The following LAMA4 variants were observed in gnomAD, a reference collection of about 807,000 sequenced individuals.
The protein encoded by LAMA4 is laminin subunit alpha-4.
Under a neutral mutation model 207.1 loss-of-function variants are expected in LAMA4, and 127 were observed. The ratio of observed to expected loss-of-function variants is 0.61; its 90% CI spans 0.53 to 0.71. LAMA4 has a LOEUF of 0.71. LAMA4 is among the 30% of genes least tolerant of loss of function. LAMA4 has a pLI of 0.00. For synonymous variants in LAMA4, 761 were observed against 816.0 expected, an observed-to-expected ratio of 0.93 and a Z score of 1.15; for missense variants, 2,093 against 2,246.5, an observed-to-expected ratio of 0.93 and a Z score of 1.38.
intron 4 of LAMA4, among the ~76,000 whole-genome samples, chr6:112,204,732 A>T (rs1783959494): frequency 6.6e-6 from 1 of 152,246 alleles, no homozygotes; most frequent in African/African-American, 2.4e-5. Flanking sequence ...CTCATAAATC[A>T]GGACATACTT....
At chr6:112,214,017 G>A (rs1784491202) in intron 3 of LAMA4, 2 of 764,052 alleles carry the variant, frequency 2.6e-6, no homozygotes. Flanking sequence ...CCTGAGAGCT[G>A]AGAATGAACG....
intron 14 of LAMA4, among the ~76,000 whole-genome samples, chr6:112,156,268 C>T (rs1217900022): frequency 5.9e-5 from 9 of 152,108 alleles, no homozygotes; most frequent in Admixed American, 3.3e-4. Context: ...TAGTCTCTGC[C>T]TTTGCCCCTC....
chr6:112,175,571 G>A, intron 10 of LAMA4, 91 bp from the exon 11 acceptor site: 2 of 1,258,728 alleles, frequency 1.6e-6, no homozygotes, highest in Non-Finnish European at 2.3e-6. Flanking sequence ...GCAAAGGGCA[G>A]GGCTGATCCT....
In LAMA4 at chr6:112,128,955, A is replaced by AT; in HGVS notation, c.4253dup (p.Asn1418LysfsTer6). On this transcript the variant is annotated frameshift_variant, in exon 31 of 39. Coordinates refer to ENST00000230538, the MANE Select transcript of LAMA4 (RefSeq NM_001105206.3). LOFTEE classifies it high-confidence loss of function. The stretch of plus-strand genomic sequence containing the variant: ...TCTGACTTGCTTTAGGCTTGGATAA[A>AT]TTTTTTCCTTTTTTATGGAGGAGAA... The AT allele has an allele frequency of 6.2e-7, 1 of 1,613,428 alleles. No individual in the cohort carries two copies.
At chr6:112,115,296 A>G (rs1554323226) in intron 36 of LAMA4, among the ~76,000 whole-genome samples, 1 of 151,028 alleles carries the variant, frequency 6.6e-6, no homozygotes, top group African/African-American at 2.5e-5. Context: ...AATGTACTAG[A>G]ACCCAAATAA....
intron 9 of LAMA4, among the ~76,000 whole-genome samples, chr6:112,182,694 ACTCTGGG>A (rs1221070694): frequency 6.6e-6 from 1 of 151,994 alleles, no homozygotes; most frequent in Non-Finnish European, 1.5e-5. Context: ...GTGCTTTGTA[ACTCTGGG>A]CTCTGCAGTG....
chr6:112,241,108 T>TGA (rs1786401477), intron 2 of LAMA4, among the ~76,000 whole-genome samples: 1 of 141,316 alleles, frequency 7.1e-6, no homozygotes, highest in African/African-American at 2.6e-5. Context: ...AATATATATA[T>TGA]ATATATGAAT....
chr6:112,129,134 G>T (rs1219840727), intron 30 of LAMA4, 59 bp from the exon 31 acceptor site: 8 of 1,438,496 alleles, frequency 5.6e-6, no homozygotes, highest in Non-Finnish European at 7.8e-6. Flanking sequence ...ATTACATGAT[G>T]AATATTATGG....
intron 24 of LAMA4, among the ~76,000 whole-genome samples, chr6:112,138,193 C>G (rs1779470454): frequency 6.6e-6 from 1 of 152,048 alleles, no homozygotes; most frequent in African/African-American, 2.4e-5. Context: ...CAAAATGATA[C>G]CTGGTTAGCT....
chr6:112,114,194 A>G lies in LAMA4; in HGVS notation c.5208T>C (p.Val1736=), dbSNP rs1554322503. Residue 1736 remains valine, a splice_region_variant and synonymous_variant, in exon 38 of 39, where the codon GTT becomes GTC. Coordinates refer to ENST00000230538, the MANE Select transcript of LAMA4 (RefSeq NM_001105206.3). ...LCDGRWHRIT[V]IRDSNVVQLD... ...ACTGAACCACATTAGAATCTCTAAT[A>G]ACTGAAATGCAGGGCAAAGACTGGT... The G allele has an allele frequency of 6.2e-7, 1 of 1,613,764 alleles. No individual in the cohort carries two copies. The highest frequency in any genetic ancestry group is 1.1e-5 in the South Asian group (1 of 91,080).
intron 33 of LAMA4, among the ~76,000 whole-genome samples, chr6:112,119,652 T>C (rs1414607266): frequency 6.6e-6 from 1 of 152,222 alleles, no homozygotes; most frequent in East Asian, 1.9e-4. Flanking sequence ...CTTCAGGTAT[T>C]AGAGGAAGTG....
At chr6:112,243,006 C>T (rs556529391) in intron 2 of LAMA4, among the ~76,000 whole-genome samples, 34 of 152,332 alleles carry the variant, frequency 2.2e-4, no homozygotes, top group African/African-American at 7.9e-4. Context: ...TCTCCAGTCC[C>T]TGATCTCTTC....
At chr6:112,202,742 A>G (rs1783831035) in intron 4 of LAMA4, among the ~76,000 whole-genome samples, 1 of 152,072 alleles carries the variant, frequency 6.6e-6, no homozygotes, top group African/African-American at 2.4e-5. Context: ...TTGGCCTTTT[A>G]CCCTTTATTT....
chr6:112,229,926 A>G (rs1785448200), intron 2 of LAMA4, among the ~76,000 whole-genome samples: 1 of 152,230 alleles, frequency 6.6e-6, no homozygotes, highest in South Asian at 2.1e-4. Flanking sequence ...ATTGTAGTGA[A>G]TTAAATGTTA....
At position 112,141,344 on chromosome 6, in the gene LAMA4, T is replaced by C; in HGVS notation, c.2813+14A>G. The C allele has an allele frequency of 3.7e-6, 6 of 1,613,834 alleles. No homozygotes were observed. In the South Asian group the frequency reaches 6.6e-5, roughly 18 times the overall value. On this transcript the variant is annotated intron_variant, in intron 21 of 38. Transcript: ENST00000230538. The stretch of plus-strand genomic sequence containing the variant: ...ATATGTGCATATATGCCCTGTGTCA[T>C]GGATTCACTGTACCTTTCAATCTTG...
intron 2 of LAMA4, among the ~76,000 whole-genome samples, chr6:112,217,245 T>C (rs1554359061): frequency 6.6e-6 from 1 of 152,206 alleles, no homozygotes; most frequent in African/African-American, 2.4e-5. Context: ...GTGTGCCATT[T>C]GAGACACATT....
At chr6:112,167,696 A>G (rs556005713) in intron 12 of LAMA4, among the ~76,000 whole-genome samples, 10 of 152,274 alleles carry the variant, frequency 6.6e-5, no homozygotes, top group African/African-American at 2.2e-4. Flanking sequence ...CAGTGCTCCA[A>G]GCATTTGTCC....
Position 112,139,732 on chromosome 6 carries a change from T to C in LAMA4, c.3110+20A>G. 2 of 1,612,888 alleles carry C rather than the reference T, an allele frequency of 1.2e-6. No individual in the cohort carries two copies. The highest frequency in any genetic ancestry group is 1.7e-6 in the Non-Finnish European group (2 of 1,178,852). ...CTTGCATGAATATCCAAGTCTTTAG[T>C]ACTCTTAACTGTCTCTTACCGGGCA... On this transcript the variant is annotated intron_variant, in intron 23 of 38. Transcript: ENST00000230538.
intron 2 of LAMA4, among the ~76,000 whole-genome samples, chr6:112,228,762 G>A (rs1213136656): frequency 6.6e-6 from 1 of 152,176 alleles, no homozygotes. Context: ...GGAGCAGAAT[G>A]GCCCCAACTT....
Sources: gnomAD v4.1 joint callset for allele counts (sites outside exome capture counted in the v4.1 genomes callset) on GRCh38, gnomAD v4.1.1 for gene constraint, MANE v1.5 for transcripts, NCBI Gene and HGNC (gene_info 2026-07-23, HGNC 2026-07-21) for gene names.